Variants in COL4A1 observed in about 807,000 individuals in gnomAD.
COL4A1 encodes collagen type IV alpha 1 chain.
In COL4A1, 40 loss-of-function variants were observed where a neutral mutation model predicts 216.6. The observed-to-expected ratio is 0.18, with a 90% CI of 0.14 to 0.24. The LOEUF (loss-of-function observed/expected upper bound fraction) is 0.24. Ranked by LOEUF, COL4A1 falls within the 10% of genes least tolerant of loss-of-function variation. COL4A1 has a pLI of 1.00. For missense variants in COL4A1, 1,628 were observed against 2,196.8 expected (o/e 0.74, Z 5.18); for synonymous variants, 839 against 810.7 (o/e 1.03, Z -0.59).
Position 110,206,680 on chromosome 13 carries a change from T to G in COL4A1, c.843A>C (p.Gly281=), listed in dbSNP as rs1879531364. The change falls in exon 15 of 52, where the codon GGA becomes GGC. Residue 281 remains glycine (G), a synonymous_variant. Transcript: ENST00000375820. ...MPGVGEKGEP[G]KPGPRGKPGK... ...AAGCACTTACTCTGGGTCCTGGTTT[T>G]CCGGGTTCACCTTTCTCTCCGACCC... The G allele has an allele frequency of 3.1e-6, 5 of 1,614,120 alleles. No homozygotes were observed. Among genetic ancestry groups the G allele is most frequent in the Admixed American group, 3.3e-5 (2 of 60,016 alleles).
chr13:110,213,141 G>A (rs1879900630), intron 4 of COL4A1, among the ~76,000 whole-genome samples: 1 of 151,952 alleles, frequency 6.6e-6, no homozygotes, highest in Admixed American at 6.6e-5. Context: ...AGGAGGTGAG[G>A]GATCAAAAAC....
intron 49 of COL4A1, among the ~76,000 whole-genome samples, chr13:110,158,379 C>T (rs1449309999): frequency 6.6e-6 from 1 of 152,184 alleles, no homozygotes; most frequent in South Asian, 2.1e-4. Context: ...TGTCATCTGC[C>T]AGGAATTGCC....
At chr13:110,203,482 T>TC (rs746443991) in intron 18 of COL4A1, 84 bp downstream of exon 18, 2 of 1,485,282 alleles carry the variant, frequency 1.3e-6, no homozygotes, top group African/African-American at 1.4e-5. Flanking sequence ...CTCTCCTTCC[T>TC]CCCCCCAGTG....
intron 1 of COL4A1, among the ~76,000 whole-genome samples, chr13:110,287,275 T>C (rs1883880559): frequency 6.6e-6 from 1 of 152,174 alleles, no homozygotes; most frequent in Non-Finnish European, 1.5e-5. Flanking sequence ...GCATGACATC[T>C]CAGGGGCAAG....
chr13:110,197,291 TCC>T (rs1878947583), intron 21 of COL4A1, among the ~76,000 whole-genome samples: 1 of 148,636 alleles, frequency 6.7e-6, no homozygotes, highest in African/African-American at 2.5e-5. Context: ...TCATGAGAAT[TCC>T]CTTGTCTTGG....
In COL4A1 at chr13:110,174,768, C is replaced by A. The variant is rs764357052; in HGVS notation, c.3199-19G>T. 13 of 1,611,488 alleles carry A rather than the reference C, an allele frequency of 8.1e-6. No homozygotes were observed. Among genetic ancestry groups the A allele is most frequent in the Non-Finnish European group, 1.1e-5 (13 of 1,177,740 alleles). ...GATCTCCCTGCAAGTAAAAGTCAGG[C>A]ATATTAACTTTACATTTGTCCATGG... On this transcript the variant is annotated intron_variant, in intron 37 of 51. Coordinates refer to ENST00000375820, the MANE Select transcript of COL4A1 (RefSeq NM_001845.6).
chr13:110,161,874 A>G (rs936546908), intron 48 of COL4A1: 1 of 344,264 alleles, frequency 2.9e-6, no homozygotes, highest in East Asian at 6.8e-5. Context: ...TTTTTTTTAC[A>G]AAGAGCAATG....
chr13:110,226,587 C>T (rs17593454), intron 2 of COL4A1, among the ~76,000 whole-genome samples: 4,902 of 152,316 alleles, frequency 0.032, 108 homozygotes, highest in Non-Finnish European at 0.047. Context: ...CAGGTTAAAA[C>T]TAGACAAACC....
At chr13:110,177,793 A>C (rs1196475855) in intron 33 of COL4A1, 49 bp downstream of exon 33, 1 of 1,583,242 alleles carries the variant, frequency 6.3e-7, no homozygotes, top group Non-Finnish European at 8.7e-7. Flanking sequence ...CCCAAGTGGC[A>C]TCGAGAAATA....
At chr13:110,224,344 A>C (rs1001826108) in intron 2 of COL4A1, among the ~76,000 whole-genome samples, 1 of 152,174 alleles carries the variant, frequency 6.6e-6, no homozygotes, top group East Asian at 1.9e-4. Context: ...TGTTTTTGAG[A>C]TGGAGTCTTG....
chr13:110,169,803 T>A, intron 42 of COL4A1, 41 bp from the exon 43 acceptor site: 1 of 1,612,946 alleles, frequency 6.2e-7, no homozygotes. Context: ...GGGTTAAATA[T>A]GCACAAGTGT....
At chr13:110,156,810 G>A (rs1357192101) in intron 49 of COL4A1, among the ~76,000 whole-genome samples, 2 of 152,336 alleles carry the variant, frequency 1.3e-5, no homozygotes, top group South Asian at 4.1e-4. Flanking sequence ...TTGCATGAAC[G>A]TGGATCAGAA....
In COL4A1 at chr13:110,211,747, T is replaced by C. The variant is rs1176490827; in HGVS notation, c.442-74A>G. On this transcript the variant is annotated intron_variant, in intron 7 of 51. Coordinates refer to ENST00000375820, the MANE Select transcript of COL4A1 (RefSeq NM_001845.6). This position sits in a 1 kb window ranked among gnomAD's most constrained non-coding sequence, Gnocchi z 4.3. ...TAGCATTAAAATTGTTATCATGTAA[T>C]ATTATATATAAAATATAAGTTATTA... 7.0e-7 allele frequency: 1 copy of C among 1,429,390 alleles called. No individual in the cohort carries two copies. Among genetic ancestry groups the C allele is most frequent in the Non-Finnish European group, 9.5e-7 (1 of 1,047,258 alleles). The allele number at this position is 1,429,390 out of a possible 1,614,324, so 88.5% of individuals were successfully genotyped here.
chr13:110,182,355 G>A (rs1878206468), intron 28 of COL4A1, among the ~76,000 whole-genome samples: 3 of 152,172 alleles, frequency 2.0e-5, no homozygotes, highest in Admixed American at 6.5e-5. Context: ...ACCTAAGTGT[G>A]GCTGCGTGGT....
At chr13:110,237,385 C>G (rs1429624611) in intron 2 of COL4A1, among the ~76,000 whole-genome samples, 1 of 152,218 alleles carries the variant, frequency 6.6e-6, no homozygotes, top group Admixed American at 6.5e-5. Flanking sequence ...GTCTGCACCC[C>G]CCACCCCCCG....
At chr13:110,298,800 A>C (rs939101910) in intron 1 of COL4A1, 2 of 152,284 alleles carry the variant, frequency 1.3e-5, no homozygotes, top group Non-Finnish European at 2.9e-5. Context: ...CATCCTGCCC[A>C]AGTGTGCAAG....
At chr13:110,236,072 C>G (rs1881304330) in intron 2 of COL4A1, among the ~76,000 whole-genome samples, 2 of 152,078 alleles carry the variant, frequency 1.3e-5, no homozygotes, top group Admixed American at 6.6e-5. Flanking sequence ...AGTCCCATAC[C>G]TTAAAGGTAA....
At chr13:110,255,448 A>G (rs1484754756) in intron 1 of COL4A1, among the ~76,000 whole-genome samples, 1 of 146,498 alleles carries the variant, frequency 6.8e-6, no homozygotes. Flanking sequence ...GAGGCAGGTC[A>G]TGGCTCAAGG....
chr13:110,160,142 T>C, intron 49 of COL4A1, among the ~76,000 whole-genome samples: 1 of 152,124 alleles, frequency 6.6e-6, no homozygotes, highest in Non-Finnish European at 1.5e-5. Flanking sequence ...AAAAATAACT[T>C]TTAAAAAAAT....
Sources: gnomAD v4.1 joint callset for allele counts (sites outside exome capture counted in the v4.1 genomes callset) on GRCh38, gnomAD v4.1.1 for gene constraint, Gnocchi (gnomAD v3.1) non-coding constraint, MANE v1.5 for transcripts, NCBI Gene and HGNC (gene_info 2026-07-23, HGNC 2026-07-21) for gene names.